The following TAOK3 variants were observed in gnomAD, a reference collection of about 807,000 sequenced individuals.
TAOK3 encodes serine/threonine-protein kinase TAO3.
A neutral mutation model predicts 120.4 loss-of-function variants in TAOK3; 40 were observed. The ratio of observed to expected loss-of-function variants is 0.33; its 90% CI spans 0.26 to 0.43. The LOEUF (loss-of-function observed/expected upper bound fraction) is 0.43. Ranked by LOEUF, TAOK3 falls within the 20% of genes least tolerant of loss-of-function variation. The pLI, the probability that TAOK3 is intolerant of heterozygous loss-of-function variation, is 1.00. For missense variants in TAOK3, 821 were observed against 1,112.1 expected (o/e 0.74, Z 3.72); for synonymous variants, 355 against 387.5 (o/e 0.92, Z 0.99).
chr12:118,274,671 C>A (rs144569926), intron 1 of TAOK3, among the ~76,000 whole-genome samples: 129 of 152,288 alleles, frequency 8.5e-4, no homozygotes, highest in Middle Eastern at 6.8e-3. Flanking sequence ...CTCTGTTGCC[C>A]AGGATGGAGT....
At position 118,273,326 on chromosome 12, in the gene TAOK3, C is replaced by T. The variant is rs147670420; in HGVS notation, c.-193-6567G>A. Among the ~76,000 whole-genome samples the T allele has an allele frequency of 6.2e-3, 947 of 151,656 alleles. 15 individuals are homozygous for T. The highest frequency in any genetic ancestry group is 0.022 in the African/African-American group (910 of 41,350). On this transcript the variant is annotated intron_variant, in intron 1 of 20. Transcript: ENST00000392533. The stretch of plus-strand genomic sequence containing the variant: ...GACCATCCTCGCTAACACGGTGAAA[C>T]CCCATCTCTACTAAAAATACAAAAA...
intron 5 of TAOK3, among the ~76,000 whole-genome samples, chr12:118,242,882 AAT>A (rs1555229408): frequency 3.4e-5 from 5 of 149,002 alleles, no homozygotes; most frequent in Admixed American, 6.7e-5. Context: ...AAACAAACAA[AAT>A]ATATATATAT....
intron 1 of TAOK3, among the ~76,000 whole-genome samples, chr12:118,299,124 C>G (rs951958268): frequency 6.6e-6 from 1 of 152,130 alleles, no homozygotes; most frequent in African/African-American, 2.4e-5. Context: ...GTCCCAAACT[C>G]TTTAAGACCA....
At chr12:118,154,588 T>C (rs2138232359) in intron 19 of TAOK3, among the ~76,000 whole-genome samples, 2 of 152,126 alleles carry the variant, frequency 1.3e-5, no homozygotes, top group Middle Eastern at 6.8e-3. Flanking sequence ...TACAGGTAAG[T>C]GCCACCAGGC....
At chr12:118,184,105 T>A (rs147899099) in intron 14 of TAOK3, among the ~76,000 whole-genome samples, 122 of 152,360 alleles carry the variant, frequency 8.0e-4, no homozygotes, top group African/African-American at 2.8e-3. Flanking sequence ...GCTATCATTG[T>A]ACACCACTGA....
chr12:118,159,323 T>C (rs1255685693), intron 19 of TAOK3, among the ~76,000 whole-genome samples: 1 of 151,796 alleles, frequency 6.6e-6, no homozygotes, highest in African/African-American at 2.4e-5. Context: ...TTTTTTTTTT[T>C]TTTTTGAGAC....
intron 3 of TAOK3, among the ~76,000 whole-genome samples, chr12:118,249,104 T>C (rs1312121632): frequency 6.6e-6 from 1 of 152,220 alleles, no homozygotes; most frequent in Non-Finnish European, 1.5e-5. Flanking sequence ...AAACTTACAT[T>C]CATGCTTAAT....
chr12:118,369,004 G>GAA (rs975694288), intron 1 of TAOK3, among the ~76,000 whole-genome samples: 97 of 69,374 alleles, frequency 1.4e-3, no homozygotes, highest in Middle Eastern at 7.5e-3. Context: ...ACTAAAAATA[G>GAA]AAAAAAAAAA....
rs115831257 is a variant in TAOK3 at position 118,167,926 on chromosome 12, C to T, written c.1899+4531G>A. Among the ~76,000 whole-genome samples, 468 of 152,252 alleles carry T rather than the reference C, an allele frequency of 3.1e-3. 3 individuals are homozygous for T. The highest frequency in any genetic ancestry group is 0.011 in the African/African-American group (459 of 41,556). On this transcript the variant is annotated intron_variant, in intron 17 of 20. Coordinates refer to ENST00000392533, the MANE Select transcript of TAOK3 (RefSeq NM_016281.4). ...ACCAGCGTGGCTCTTCATGTTTTCC[C>T]GCTCAGTTCTTCAGCTCTTTACCTA...
chr12:118,214,883 T>C (rs1384138865), intron 9 of TAOK3, among the ~76,000 whole-genome samples: 1 of 151,856 alleles, frequency 6.6e-6, no homozygotes, highest in African/African-American at 2.4e-5. Context: ...GTAGCTGAGA[T>C]TACAGGCATG....
At chr12:118,250,046 C>T (rs956836429) in intron 3 of TAOK3, among the ~76,000 whole-genome samples, 102 of 152,138 alleles carry the variant, frequency 6.7e-4, no homozygotes, top group African/African-American at 2.2e-3. Flanking sequence ...AATGAACATG[C>T]GCAGTCCTTT....
chr12:118,345,674 T>C (rs2044825915), intron 1 of TAOK3, among the ~76,000 whole-genome samples: 1 of 151,482 alleles, frequency 6.6e-6, no homozygotes, highest in African/African-American at 2.4e-5. Flanking sequence ...GTAATAATGC[T>C]GCTCACCCAT....
intron 1 of TAOK3, among the ~76,000 whole-genome samples, chr12:118,349,321 C>G (rs1168392063): frequency 2.0e-5 from 3 of 152,188 alleles, no homozygotes; most frequent in African/African-American, 7.2e-5. Flanking sequence ...TTTACTGTCA[C>G]AGAAACATTA....
intron 1 of TAOK3, among the ~76,000 whole-genome samples, chr12:118,272,992 G>C (rs202179825): frequency 2.6e-5 from 4 of 151,804 alleles, no homozygotes; most frequent in African/African-American, 7.3e-5. Flanking sequence ...AAAAAATCCA[G>C]GACTTCTGAT....
chr12:118,311,940 T>G (rs867438369), intron 1 of TAOK3, among the ~76,000 whole-genome samples: 2 of 152,178 alleles, frequency 1.3e-5, no homozygotes, highest in Non-Finnish European at 2.9e-5. Context: ...ATAAAACCAC[T>G]AATGAAATGA....
chr12:118,216,889 A>C (rs918911832), intron 9 of TAOK3, among the ~76,000 whole-genome samples: 2 of 147,710 alleles, frequency 1.4e-5, no homozygotes, highest in African/African-American at 5.0e-5. Context: ...AGATCGTGCC[A>C]CTGCACTCCA....
chr12:118,198,991 T>G, intron 13 of TAOK3, 60 bp downstream of exon 13: 3 of 1,584,750 alleles, frequency 1.9e-6, no homozygotes, highest in Non-Finnish European at 1.7e-6. Flanking sequence ...CTAAGTGACT[T>G]GAACTGGATT....
intron 9 of TAOK3, among the ~76,000 whole-genome samples, chr12:118,218,035 T>G (rs2039024519): frequency 6.6e-6 from 1 of 150,812 alleles, no homozygotes; most frequent in Non-Finnish European, 1.5e-5. Context: ...AATTTTTTTG[T>G]ATTTTTAGTA....
At chr12:118,279,177 T>C (rs757829271) in intron 1 of TAOK3, among the ~76,000 whole-genome samples, 34 of 152,274 alleles carry the variant, frequency 2.2e-4, no homozygotes, top group Admixed American at 5.9e-4. Context: ...TAATGATTAG[T>C]GATGGTGAGC....
Sources: gnomAD v4.1 joint callset for allele counts (sites outside exome capture counted in the v4.1 genomes callset) on GRCh38, gnomAD v4.1.1 for gene constraint, MANE v1.5 for transcripts, NCBI Gene and HGNC (gene_info 2026-07-23, HGNC 2026-07-21) for gene names.